The following FANK1 variants were observed in gnomAD, a reference collection of about 807,000 sequenced individuals.
FANK1 encodes the protein fibronectin type III and ankyrin repeat domains 1.
A neutral mutation model predicts 45.3 loss-of-function variants in FANK1; 44 were observed. The ratio of observed to expected loss-of-function variants is 0.97; its 90% CI spans 0.76 to 1.25. FANK1 has a LOEUF of 1.25. Among genes scored for constraint, FANK1 ranks in the 50% most tolerant of loss-of-function variants. The pLI is 0.00. For synonymous variants in FANK1, 149 were observed against 152.5 expected (o/e 0.98, Z 0.17); for missense variants, 391 against 424.4 (o/e 0.92, Z 0.69).
chr10:125,942,485 G>T (rs750756468), intron 1 of FANK1, among the ~76,000 whole-genome samples: 1 of 152,060 alleles, frequency 6.6e-6, no homozygotes, highest in Admixed American at 6.5e-5. Context: ...GACAAGCTGA[G>T]AACTCTCAGC....
chr10:125,914,292 T>TATATATATATATATATATATATATATA (rs58995936), intron 1 of FANK1, among the ~76,000 whole-genome samples: 18 of 150,770 alleles, frequency 1.2e-4, no homozygotes, highest in African/African-American at 3.9e-4. Flanking sequence ...TATATATATA[T>TATATATATATATATATATATATATATA]TTAAAAAGTC....
intron 1 of FANK1, among the ~76,000 whole-genome samples, chr10:125,920,741 T>C (rs1946887590): frequency 6.6e-6 from 1 of 152,230 alleles, no homozygotes; most frequent in African/African-American, 2.4e-5. Flanking sequence ...TACAACCTTT[T>C]ATGAAATTAG....
chr10:125,916,677 A>G (rs1360107517), intron 1 of FANK1, among the ~76,000 whole-genome samples: 1 of 152,212 alleles, frequency 6.6e-6, no homozygotes, highest in Non-Finnish European at 1.5e-5. Flanking sequence ...ATGCTACACC[A>G]TGGATGAACC....
chr10:125,915,420 T>G (rs2134121003), intron 1 of FANK1, among the ~76,000 whole-genome samples: 1 of 152,360 alleles, frequency 6.6e-6, no homozygotes, highest in Admixed American at 6.5e-5. Context: ...AAGGATTGGC[T>G]TTCCAAGGCA....
At chr10:125,933,784 C>G (rs543473076) in intron 1 of FANK1, among the ~76,000 whole-genome samples, 1 of 152,086 alleles carries the variant, frequency 6.6e-6, no homozygotes, top group African/African-American at 2.4e-5. Flanking sequence ...ATGAACTTTC[C>G]TCTTAGCACC....
chr10:125,962,143 A>G (rs1281990919), intron 1 of FANK1, among the ~76,000 whole-genome samples: 1 of 152,178 alleles, frequency 6.6e-6, no homozygotes, highest in Non-Finnish European at 1.5e-5. Context: ...CAACAGCAAA[A>G]AACAATCTGA....
At chr10:125,952,286 G>A (rs1473704283) in intron 1 of FANK1, among the ~76,000 whole-genome samples, 1 of 151,936 alleles carries the variant, frequency 6.6e-6, no homozygotes, top group East Asian at 1.9e-4. Flanking sequence ...TTTTAACTAG[G>A]TATCAATAAG....
intron 2 of FANK1, among the ~76,000 whole-genome samples, chr10:125,984,966 G>C (rs974580764): frequency 1.3e-5 from 2 of 152,232 alleles, no homozygotes; most frequent in Non-Finnish European, 2.9e-5. Context: ...TGTAATCGCT[G>C]TAGAGTACCC....
intron 1 of FANK1, among the ~76,000 whole-genome samples, chr10:125,952,567 C>T (rs1949310672): frequency 6.6e-6 from 1 of 152,096 alleles, no homozygotes; most frequent in Non-Finnish European, 1.5e-5. Flanking sequence ...ATCTGGACAC[C>T]AAAGCACTTC....
At chr10:125,919,841 C>G (rs1946816904) in intron 1 of FANK1, among the ~76,000 whole-genome samples, 1 of 152,130 alleles carries the variant, frequency 6.6e-6, no homozygotes. Flanking sequence ...TAATTGTATT[C>G]TCTTGGGAAT....
chr10:125,930,086 G>T (rs2134140540), intron 1 of FANK1, among the ~76,000 whole-genome samples: 1 of 152,158 alleles, frequency 6.6e-6, no homozygotes, highest in South Asian at 2.1e-4. Flanking sequence ...ACGAGGTCTT[G>T]CTCTGTCACC....
intron 6 of FANK1, among the ~76,000 whole-genome samples, chr10:126,001,620 T>C (rs754722444): frequency 7.2e-5 from 11 of 152,140 alleles, no homozygotes; most frequent in East Asian, 1.9e-4. Flanking sequence ...GGAATTCTTA[T>C]AGAGCAGCAG....
At chr10:125,988,773 A>T (rs759993202) in intron 3 of FANK1, 98 bp downstream of exon 3, 1 of 1,574,820 alleles carries the variant, frequency 6.3e-7, no homozygotes, top group East Asian at 2.2e-5. Flanking sequence ...GCCTTACCAG[A>T]AGCAGAAATG....
chr10:125,964,626 A>G (rs939531285), intron 1 of FANK1, among the ~76,000 whole-genome samples: 1 of 152,216 alleles, frequency 6.6e-6, no homozygotes, highest in African/African-American at 2.4e-5. Flanking sequence ...TGGTATGCTA[A>G]TGTTTGATTA....
At chr10:126,005,155 G>A (rs1953088129) in intron 7 of FANK1, 106 bp downstream of exon 7, 12 of 1,377,658 alleles carry the variant, frequency 8.7e-6, no homozygotes, top group Non-Finnish European at 1.2e-5. Flanking sequence ...CCTTAGAAAT[G>A]CTGGAGAAAG....
At chr10:125,930,685 A>G (rs1947694919) in intron 1 of FANK1, among the ~76,000 whole-genome samples, 1 of 151,956 alleles carries the variant, frequency 6.6e-6, no homozygotes, top group South Asian at 2.1e-4. Context: ...CAAGTACTAT[A>G]TACATGGGCA....
chr10:125,987,078 C>T (rs542583061), intron 2 of FANK1, among the ~76,000 whole-genome samples: 2 of 152,288 alleles, frequency 1.3e-5, no homozygotes, highest in South Asian at 2.1e-4. Context: ...CTAACTCCAG[C>T]ACTGTCATTT....
intron 1 of FANK1, among the ~76,000 whole-genome samples, chr10:125,978,538 A>C (rs1950992315): frequency 6.6e-6 from 1 of 152,064 alleles, no homozygotes; most frequent in Non-Finnish European, 1.5e-5. Flanking sequence ...TAGAGGCCCC[A>C]GTTGGAAGGT....
chr10:125,989,397 T>A (rs1351965789), intron 3 of FANK1: 11 of 1,527,074 alleles, frequency 7.2e-6, no homozygotes, highest in Non-Finnish European at 8.9e-6. Context: ...ACCTTCCTTT[T>A]GTGAGTAAAG....
Sources: gnomAD v4.1 joint callset for allele counts (sites outside exome capture counted in the v4.1 genomes callset) on GRCh38, gnomAD v4.1.1 for gene constraint, MANE v1.5 for transcripts, NCBI Gene and HGNC (gene_info 2026-07-23, HGNC 2026-07-21) for gene names.